MYRIP: variants seen among roughly 807,000 people sequenced by gnomAD.
The protein encoded by MYRIP is myosin VIIA and Rab interacting protein, also known as rab effector MyRIP.
Under a neutral mutation model 98.0 loss-of-function variants are expected in MYRIP, and 49 were observed. That is an observed-to-expected ratio of 0.50 (90% CI 0.40 to 0.63). The LOEUF is 0.63. Among genes scored for constraint, MYRIP ranks in the 30% least tolerant of loss-of-function variants. MYRIP has a pLI of 0.00. For synonymous variants in MYRIP, 404 were observed against 409.5 expected (o/e 0.99, Z 0.16); for missense variants, 1,004 against 1,058.2 (o/e 0.95, Z 0.71).
intron 2 of MYRIP, among the ~76,000 whole-genome samples, chr3:39,961,805 T>G (rs928515802): frequency 6.6e-6 from 1 of 152,146 alleles, no homozygotes; most frequent in African/African-American, 2.4e-5. Context: ...TGCTTCTCAT[T>G]ATAGCATCAG....
intron 2 of MYRIP, among the ~76,000 whole-genome samples, chr3:40,014,555 C>T (rs1351234207): frequency 6.6e-6 from 1 of 152,166 alleles, no homozygotes; most frequent in Non-Finnish European, 1.5e-5. Context: ...GTCCACTACT[C>T]CCTGGACAGT....
At chr3:39,859,876 G>A (rs1942415625) in intron 1 of MYRIP, among the ~76,000 whole-genome samples, 1 of 152,058 alleles carries the variant, frequency 6.6e-6, no homozygotes. Flanking sequence ...AATAATAGAA[G>A]CCATATATAA....
chr3:40,139,786 C>T (rs958266807), intron 3 of MYRIP, among the ~76,000 whole-genome samples: 2 of 152,060 alleles, frequency 1.3e-5, no homozygotes, highest in African/African-American at 4.8e-5. Context: ...TGTCATGTTG[C>T]CCAAGCTGGT....
At chr3:40,227,567 A>T (rs1342694985) in intron 11 of MYRIP, among the ~76,000 whole-genome samples, 5 of 152,344 alleles carry the variant, frequency 3.3e-5, no homozygotes, top group Non-Finnish European at 7.3e-5. Flanking sequence ...TCTTTTTAAA[A>T]TATTATTATT....
In MYRIP at chr3:39,996,056, C is replaced by T. The variant is rs567371000; in HGVS notation, c.111-47994C>T. Among the ~76,000 whole-genome samples, 34 of 152,254 alleles carry T rather than the reference C, an allele frequency of 2.2e-4. 1 individual carries two copies. Among genetic ancestry groups the T allele is most frequent in the African/African-American group, 4.3e-4 (18 of 41,542 alleles). On this transcript the variant is annotated intron_variant, in intron 2 of 16. Coordinates refer to ENST00000302541, the MANE Select transcript of MYRIP (RefSeq NM_015460.4). ...AGCACTAAACATGGAAAAGAACAAC[C>T]GGTACCAGCCACTGCAAAAACATGC...
chr3:40,142,196 C>T (rs945179115), intron 3 of MYRIP, among the ~76,000 whole-genome samples: 15 of 151,196 alleles, frequency 9.9e-5, no homozygotes, highest in Admixed American at 2.0e-4. Context: ...AGGATTAAGG[C>T]GCCTGCCACC....
intron 3 of MYRIP, among the ~76,000 whole-genome samples, chr3:40,096,144 A>G (rs17761234): frequency 0.18 from 27,258 of 150,970 alleles, 2,988 homozygotes; most frequent in South Asian, 0.27. Flanking sequence ...TTCTCGGGCC[A>G]TTCTACCTCT....
chr3:39,860,120 C>T (rs1309093360), intron 1 of MYRIP, among the ~76,000 whole-genome samples: 1 of 152,214 alleles, frequency 6.6e-6, no homozygotes, highest in Non-Finnish European at 1.5e-5. Flanking sequence ...ACTCCACACA[C>T]ACATACACAA....
chr3:39,962,935 T>C (rs1340829452), intron 2 of MYRIP, among the ~76,000 whole-genome samples: 5 of 152,158 alleles, frequency 3.3e-5, no homozygotes, highest in Non-Finnish European at 5.9e-5. Flanking sequence ...AATTTAGTTT[T>C]ATATTTTCAA....
chr3:39,898,508 A>AG (rs1196629353), intron 1 of MYRIP, among the ~76,000 whole-genome samples: 1 of 152,080 alleles, frequency 6.6e-6, no homozygotes, highest in Non-Finnish European at 1.5e-5. Context: ...GGCTAGAAAA[A>AG]GGGGGCAGGG....
intron 4 of MYRIP, among the ~76,000 whole-genome samples, chr3:40,161,917 G>C (rs536908462): frequency 1.3e-5 from 2 of 152,266 alleles, no homozygotes; most frequent in Middle Eastern, 3.4e-3. Flanking sequence ...ACACTGATGT[G>C]GTCACCATGA....
chr3:40,166,977 G>C, intron 6 of MYRIP, 34 bp downstream of exon 6: 1 of 1,541,618 alleles, frequency 6.5e-7, no homozygotes, highest in African/African-American at 1.4e-5. Context: ...TGTGGGGGGA[G>C]GTGTGGGTTG....
At chr3:40,214,564 G>A (rs1226549937) in intron 11 of MYRIP, among the ~76,000 whole-genome samples, 1 of 152,228 alleles carries the variant, frequency 6.6e-6, no homozygotes, top group African/African-American at 2.4e-5. Context: ...ACTTAAGGAT[G>A]GGCACTGCAA....
intron 3 of MYRIP, among the ~76,000 whole-genome samples, chr3:40,124,329 C>T (rs558235980): frequency 6.6e-6 from 1 of 152,350 alleles, no homozygotes; most frequent in South Asian, 2.1e-4. Flanking sequence ...CTCCACTACT[C>T]CAAAGGCCCC....
intron 9 of MYRIP, among the ~76,000 whole-genome samples, chr3:40,188,848 C>A (rs1951115145): frequency 6.6e-6 from 1 of 152,166 alleles, no homozygotes; most frequent in Non-Finnish European, 1.5e-5. Context: ...GTACGAATAG[C>A]TAACGGAGCA....
chr3:40,155,453 C>T (rs1452889758), intron 4 of MYRIP, among the ~76,000 whole-genome samples: 4 of 152,076 alleles, frequency 2.6e-5, no homozygotes, highest in Admixed American at 6.5e-5. Flanking sequence ...ACTAAACATA[C>T]GTGTGCATGT....
chr3:40,052,605 C>T (rs1947814434), intron 3 of MYRIP, among the ~76,000 whole-genome samples: 1 of 152,006 alleles, frequency 6.6e-6, no homozygotes, highest in Non-Finnish European at 1.5e-5. Context: ...AACATTTTAC[C>T]ATCATGTATC....
At chr3:40,108,289 T>TTTTTAAGGC (rs55681275) in intron 3 of MYRIP, among the ~76,000 whole-genome samples, 64,431 of 150,920 alleles carry the variant, frequency 0.43, 14,440 homozygotes, top group Admixed American at 0.53. Flanking sequence ...AGACAGAGTT[T>TTTTTAAGGC]ATAATTTAAG....
chr3:40,240,333 G>A (rs113626446), intron 12 of MYRIP, among the ~76,000 whole-genome samples: 7 of 152,304 alleles, frequency 4.6e-5, no homozygotes, highest in East Asian at 3.9e-4. Flanking sequence ...AGCTCCCAGC[G>A]TGAGCGATGC....
Sources: gnomAD v4.1 joint callset for allele counts (sites outside exome capture counted in the v4.1 genomes callset) on GRCh38, gnomAD v4.1.1 for gene constraint, MANE v1.5 for transcripts, NCBI Gene and HGNC (gene_info 2026-07-23, HGNC 2026-07-21) for gene names.